CTNND2: variants seen among roughly 807,000 people sequenced by gnomAD.
CTNND2 encodes the protein catenin delta 2.
CTNND2 carries 22 observed loss-of-function variants against 144.4 expected under a neutral mutation model. The ratio of observed to expected loss-of-function variants is 0.15; its 90% CI spans 0.11 to 0.22. The LOEUF is 0.22. Among genes scored for constraint, CTNND2 ranks in the 10% least tolerant of loss-of-function variants. The probability of loss-of-function intolerance (pLI) is 1.00; values close to 1 mark genes in which losing one functional copy is unlikely to be tolerated. For missense variants in CTNND2, 1,353 were observed against 1,618.8 expected (o/e 0.84, Z 2.82); for synonymous variants, 751 against 695.6 (o/e 1.08, Z -1.25).
intron 2 of CTNND2, among the ~76,000 whole-genome samples, chr5:11,723,984 G>C (rs1184026676): frequency 6.6e-6 from 1 of 151,964 alleles, no homozygotes; most frequent in African/African-American, 2.4e-5. Context: ...GAACCCGGGA[G>C]GCGGACCTTG....
chr5:11,737,150 T>C (rs1787729367), intron 1 of CTNND2, among the ~76,000 whole-genome samples: 1 of 152,156 alleles, frequency 6.6e-6, no homozygotes, highest in South Asian at 2.1e-4. Flanking sequence ...TAGCCAGTCC[T>C]GCTGCCAGGC....
chr5:11,031,882 G>C (rs921193793), intron 16 of CTNND2, among the ~76,000 whole-genome samples: 1 of 152,248 alleles, frequency 6.6e-6, no homozygotes, highest in South Asian at 2.1e-4. Flanking sequence ...TTGGGCCTTC[G>C]GCCACAGACT....
chr5:11,368,840 C>G (rs1757207150), intron 7 of CTNND2, among the ~76,000 whole-genome samples: 1 of 152,064 alleles, frequency 6.6e-6, no homozygotes, highest in Non-Finnish European at 1.5e-5. Flanking sequence ...AGTGTAGAAA[C>G]AGAGATAATA....
chr5:11,268,848 T>C (rs1047342148), intron 9 of CTNND2, among the ~76,000 whole-genome samples: 2 of 152,190 alleles, frequency 1.3e-5, no homozygotes, highest in Admixed American at 1.3e-4. Flanking sequence ...AGATGTTCAT[T>C]GCAGGGAGCA....
chr5:11,410,724 A>G (rs1761450536), intron 5 of CTNND2, among the ~76,000 whole-genome samples: 1 of 152,184 alleles, frequency 6.6e-6, no homozygotes, highest in Non-Finnish European at 1.5e-5. Context: ...TTAAATACAG[A>G]AATGTAAGAA....
At chr5:11,423,512 C>T (rs968380768) in intron 3 of CTNND2, among the ~76,000 whole-genome samples, 2 of 152,180 alleles carry the variant, frequency 1.3e-5, no homozygotes, top group Admixed American at 6.5e-5. Flanking sequence ...TCCCTGTTGT[C>T]GGACCATCTC....
rs1735944462 is a variant in CTNND2 at position 10,972,497 on chromosome 5, G to A, written c.*956C>T. The A allele has an allele frequency of 1.3e-5, 2 of 152,430 alleles. No homozygotes were observed. The highest frequency in any genetic ancestry group is 4.8e-5 in the African/African-American group (2 of 41,428). 9.4% of individuals were successfully genotyped at this position (152,430 alleles called of 1,614,324 possible). On this transcript the variant is annotated 3_prime_UTR_variant, in exon 22 of 22. Transcript: ENST00000304623. ...AGAATGTGTATTTTGTAAGATATAGGTTCTTGGAAATAGACATTCTTAGCA... is the reference window on the plus strand; with the variant it reads ...AGAATGTGTATTTTGTAAGATATAGATTCTTGGAAATAGACATTCTTAGCA...
At chr5:11,566,490 G>A (rs1293018161) in intron 2 of CTNND2, among the ~76,000 whole-genome samples, 4 of 151,738 alleles carry the variant, frequency 2.6e-5, no homozygotes, top group East Asian at 3.9e-4. Context: ...ACTTCTTAAC[G>A]TATTGCATCT....
chr5:11,164,771 A>G (rs991027910), intron 11 of CTNND2, among the ~76,000 whole-genome samples: 2 of 152,200 alleles, frequency 1.3e-5, no homozygotes, highest in Non-Finnish European at 2.9e-5. Flanking sequence ...AGTCTAGTCT[A>G]CCTTCCCAGA....
At chr5:11,668,296 T>C (rs910036240) in intron 2 of CTNND2, among the ~76,000 whole-genome samples, 17 of 152,244 alleles carry the variant, frequency 1.1e-4, no homozygotes, top group African/African-American at 3.4e-4. Flanking sequence ...TCCAATTCTG[T>C]GAAGAAAGTC....
At chr5:11,502,760 T>TC (rs1448503646) in intron 3 of CTNND2, among the ~76,000 whole-genome samples, 3 of 152,194 alleles carry the variant, frequency 2.0e-5, no homozygotes, top group Admixed American at 6.5e-5. Context: ...CTGAAACCCT[T>TC]CCCCTGTGAC....
intron 5 of CTNND2, among the ~76,000 whole-genome samples, chr5:11,405,188 C>A (rs1335999391): frequency 6.6e-6 from 1 of 152,184 alleles, no homozygotes; most frequent in Non-Finnish European, 1.5e-5. Context: ...AGGTTCTACA[C>A]ACATTGTGCT....
At chr5:11,325,062 A>G (rs574068098) in intron 9 of CTNND2, among the ~76,000 whole-genome samples, 1 of 151,804 alleles carries the variant, frequency 6.6e-6, no homozygotes, top group South Asian at 2.1e-4. Flanking sequence ...GAAACTCTTC[A>G]TTTCCTTTCT....
chr5:11,052,984 GCAGTGGCTAGTT>G lies in CTNND2; in HGVS notation c.2788+29700_2788+29711del, dbSNP rs554652009. On this transcript the variant is annotated intron_variant, in intron 16 of 21. Coordinates refer to ENST00000304623, the MANE Select transcript of CTNND2 (RefSeq NM_001332.4). ...TTAGAACAAATAAGACTTATATAGG[GCAGTGGCTAGTT>G]CAGCTTTAGATTTAATCAGTCTCTT... is the stretch of plus-strand genomic sequence containing the variant. 3.2e-3 allele frequency among the ~76,000 whole-genome samples: 480 copies of G among 152,168 alleles called. 1 individual carries two copies. The highest frequency in any genetic ancestry group is 0.011 in the African/African-American group (465 of 41,500).
intron 2 of CTNND2, among the ~76,000 whole-genome samples, chr5:11,708,457 G>C (rs75694814): frequency 6.6e-6 from 1 of 152,162 alleles, no homozygotes; most frequent in Admixed American, 6.5e-5. Flanking sequence ...ATATTGGAGA[G>C]ATCTGAGTAG....
intron 3 of CTNND2, among the ~76,000 whole-genome samples, chr5:11,544,676 C>G (rs775189237): frequency 2.6e-5 from 4 of 152,178 alleles, no homozygotes; most frequent in Non-Finnish European, 4.4e-5. Flanking sequence ...CTTAGCAAAT[C>G]AGCAATTAAA....
intron 1 of CTNND2, among the ~76,000 whole-genome samples, chr5:11,775,449 A>T (rs1412402775): frequency 6.6e-6 from 1 of 152,232 alleles, no homozygotes; most frequent in Non-Finnish European, 1.5e-5. Flanking sequence ...AGGTTCCGTA[A>T]GCACTCAATA....
At position 11,584,428 on chromosome 5, in the gene CTNND2, G is replaced by C. The variant is rs577323637; in HGVS notation, c.175-19372C>G. ...ATACATATATATATATTTTTTTTGG[G>C]GGGGGGGAGGAGGAAGCTAGTACTG... On this transcript the variant is annotated intron_variant, in intron 2 of 21. Transcript: ENST00000304623. 4.4e-4 allele frequency among the ~76,000 whole-genome samples: 64 copies of C among 145,370 alleles called. 1 individual carries two copies. The South Asian group carries it at 0.013, about 30-fold the overall frequency.
intron 2 of CTNND2, among the ~76,000 whole-genome samples, chr5:11,604,283 T>C (rs895484896): frequency 2.0e-5 from 3 of 152,220 alleles, no homozygotes; most frequent in African/African-American, 7.2e-5. Context: ...AGCCATACAG[T>C]TGGCATGAAA....
Sources: gnomAD v4.1 joint callset for allele counts (sites outside exome capture counted in the v4.1 genomes callset) on GRCh38, gnomAD v4.1.1 for gene constraint, MANE v1.5 for transcripts, NCBI Gene and HGNC (gene_info 2026-07-23, HGNC 2026-07-21) for gene names.